Variants in ABCB1 observed in about 807,000 individuals in gnomAD.
ABCB1 encodes the protein ATP binding cassette subfamily B member 1.
In ABCB1, 69 loss-of-function variants were observed where a neutral mutation model predicts 142.0. The observed-to-expected ratio is 0.49, with a 90% CI of 0.40 to 0.59. ABCB1 has a LOEUF of 0.59. ABCB1 is among the 20% of genes least tolerant of loss of function. ABCB1 has a pLI of 0.00. For missense variants in ABCB1, 1,326 were observed against 1,554.7 expected (o/e 0.85, Z 2.47); for synonymous variants, 532 against 539.2 (o/e 0.99, Z 0.18).
chr7:87,643,466 T>A (rs914298498), intron 1 of ABCB1, among the ~76,000 whole-genome samples: 2 of 152,120 alleles, frequency 1.3e-5, no homozygotes, highest in Non-Finnish European at 2.9e-5. Context: ...TTAAATAGAT[T>A]AAAATTATAT....
chr7:87,695,996 T>TAGCAAAC (rs1250348699), intron 1 of ABCB1, among the ~76,000 whole-genome samples: 8 of 152,128 alleles, frequency 5.3e-5, no homozygotes, highest in African/African-American at 1.9e-4. Context: ...ACAGATTGTC[T>TAGCAAAC]TTTAGTCTAG....
chr7:87,685,343 A>G (rs1032412264), intron 1 of ABCB1, among the ~76,000 whole-genome samples: 3 of 152,234 alleles, frequency 2.0e-5, no homozygotes, highest in African/African-American at 7.2e-5. Flanking sequence ...AAGATGTTCA[A>G]CATCATTAGT....
chr7:87,646,462 T>G (rs1823013165), intron 1 of ABCB1, among the ~76,000 whole-genome samples: 1 of 152,114 alleles, frequency 6.6e-6, no homozygotes, highest in African/African-American at 2.4e-5. Context: ...AATATAAGTT[T>G]TGGTGTATTT....
At chr7:87,620,265 A>G (rs759461074) in intron 1 of ABCB1, among the ~76,000 whole-genome samples, 8 of 151,906 alleles carry the variant, frequency 5.3e-5, no homozygotes, top group African/African-American at 1.2e-4. Flanking sequence ...GGTTCAAGTA[A>G]TTCTTCTGCT....
intron 1 of ABCB1, among the ~76,000 whole-genome samples, chr7:87,610,396 CTTTTTTTTTT>C (rs766581770): frequency 5.4e-5 from 4 of 73,808 alleles, no homozygotes; most frequent in African/African-American, 3.1e-4. Context: ...CACACCTGGC[CTTTTTTTTTT>C]TTTTTTTTTT....
rs1584865281 is a variant in ABCB1 at position 87,544,771 on chromosome 7, T to G, written c.2064+52A>C. 7 of 1,599,312 alleles carry G rather than the reference T, an allele frequency of 4.4e-6. No individual in the cohort carries two copies. In the East Asian group the frequency reaches 1.6e-4, roughly 36 times the overall value. ...CTACTGTAGCCCTAGCCCACCAAAC[T>G]AGGGAACCACAGTTAGTGAGATTAA... On this transcript the variant is annotated intron_variant, in intron 16 of 27. Transcript: ENST00000622132.
chr7:87,681,601 C>A lies in ABCB1; in HGVS notation c.-331+31560G>T, dbSNP rs1047980285. Among the ~76,000 whole-genome samples, 20 of 150,740 alleles carry A rather than the reference C, an allele frequency of 1.3e-4. 1 individual carries two copies. The highest frequency in any genetic ancestry group is 4.9e-4 in the African/African-American group (20 of 40,658). On this transcript the variant is annotated intron_variant, in intron 1 of 28. Coordinates refer to the ABCB1 transcript ENST00000265724. ...TACTGCTAAAAATGCTAACAATCAT[C>A]TGAGCCTTCAGCAAGTCATTACCTT...
chr7:87,630,769 G>A (rs539283943), intron 1 of ABCB1, among the ~76,000 whole-genome samples: 1 of 151,480 alleles, frequency 6.6e-6, no homozygotes, highest in Non-Finnish European at 1.5e-5. Context: ...TTCAGTGATG[G>A]GTACTGTTCC....
At chr7:87,581,791 A>G (rs1818522339) in intron 4 of ABCB1, among the ~76,000 whole-genome samples, 1 of 152,206 alleles carries the variant, frequency 6.6e-6, no homozygotes, top group Non-Finnish European at 1.5e-5. Flanking sequence ...CGCAAGTCCA[A>G]GTCCCCTTAA....
chr7:87,586,522 C>T (rs1818768407), intron 3 of ABCB1, among the ~76,000 whole-genome samples: 1 of 152,184 alleles, frequency 6.6e-6, no homozygotes, highest in South Asian at 2.1e-4. Flanking sequence ...GGATAAATCC[C>T]AGGGCAGAAG....
At chr7:87,621,682 T>G (rs560241270) in intron 1 of ABCB1, among the ~76,000 whole-genome samples, 1 of 152,158 alleles carries the variant, frequency 6.6e-6, no homozygotes, top group African/African-American at 2.4e-5. Flanking sequence ...TACAAACACA[T>G]AGTAACAGAT....
At chr7:87,531,269 A>G in intron 21 of ABCB1, 25 bp downstream of exon 21, 1 of 1,574,046 alleles carries the variant, frequency 6.4e-7, no homozygotes, top group Non-Finnish European at 8.7e-7. Context: ...TACTTAATTA[A>G]TCAATCATAT....
At chr7:87,712,570 G>A (rs774546242) in intron 1 of ABCB1, among the ~76,000 whole-genome samples, 6 of 151,948 alleles carry the variant, frequency 3.9e-5, no homozygotes, top group Non-Finnish European at 5.9e-5. Context: ...TAAATTGTTA[G>A]TCTTGTTTCT....
At chr7:87,516,729 TC>T in intron 23 of ABCB1, 64 bp from the exon 24 acceptor site, 2 of 925,348 alleles carry the variant, frequency 2.2e-6, no homozygotes, top group Non-Finnish European at 3.2e-6. Context: ...AAGCTGACAC[TC>T]CTTTTTTTTT....
intron 1 of ABCB1, chr7:87,710,709 C>A: frequency 2.0e-6 from 2 of 979,886 alleles, no homozygotes; most frequent in Non-Finnish European, 3.1e-6. Flanking sequence ...CACCTGAAGA[C>A]TCAGAAATCA....
At chr7:87,530,724 C>T (rs1815998300) in intron 21 of ABCB1, among the ~76,000 whole-genome samples, 1 of 151,534 alleles carries the variant, frequency 6.6e-6, no homozygotes, top group African/African-American at 2.4e-5. Context: ...TCTCCCCCCT[C>T]ACATGTACAA....
At chr7:87,713,292 T>C (rs202162155) in exon 1 of ABCB1, 3 of 152,156 alleles carry the variant, frequency 2.0e-5, no homozygotes, top group Admixed American at 6.6e-5. Flanking sequence ...TAAAGAGTAA[T>C]GATAGCCTTT....
intron 1 of ABCB1, among the ~76,000 whole-genome samples, chr7:87,657,887 G>C (rs1824273058): frequency 6.6e-6 from 1 of 152,092 alleles, no homozygotes; most frequent in African/African-American, 2.4e-5. Flanking sequence ...CAGTAATGAA[G>C]CAATGCCCCC....
chr7:87,633,476 GC>G (rs947614953), intron 1 of ABCB1, among the ~76,000 whole-genome samples: 20 of 152,108 alleles, frequency 1.3e-4, no homozygotes, highest in Admixed American at 6.5e-4. Context: ...TGCCTAAGTG[GC>G]CCCAGAAGAT....
Sources: gnomAD v4.1 joint callset for allele counts (sites outside exome capture counted in the v4.1 genomes callset) on GRCh38, gnomAD v4.1.1 for gene constraint, MANE v1.5 for transcripts, NCBI Gene and HGNC (gene_info 2026-07-23, HGNC 2026-07-21) for gene names.